The following PMVK variants were observed in gnomAD, a reference collection of about 807,000 sequenced individuals.
The protein encoded by PMVK is phosphomevalonate kinase.
PMVK carries 10 observed loss-of-function variants against 19.0 expected under a neutral mutation model. The observed-to-expected ratio is 0.53, with a 90% CI of 0.32 to 0.89. The LOEUF (loss-of-function observed/expected upper bound fraction) is 0.89, where lower values mean the gene tolerates loss of function less well. Ranked by LOEUF, PMVK falls within the 40% of genes least tolerant of loss-of-function variation. PMVK has a pLI of 0.03. For missense variants in PMVK, 222 were observed against 251.1 expected, an observed-to-expected ratio of 0.88 and a Z score of 0.78; for synonymous variants, 108 against 101.6, an observed-to-expected ratio of 1.06 and a Z score of -0.38.
upstream of PMVK, among the ~76,000 whole-genome samples, chr1:154,940,383 C>T (rs1654616790): frequency 1.3e-5 from 2 of 152,210 alleles, no homozygotes; most frequent in African/African-American, 4.8e-5. Context: ...AGAACTCCTG[C>T]AAAGGGGCCC....
upstream of PMVK, chr1:154,936,914 C>T: frequency 1.8e-6 from 1 of 542,450 alleles, no homozygotes; most frequent in Non-Finnish European, 3.4e-6. Context: ...AAGGCGGTTC[C>T]TTCACAGAGC....
chr1:154,927,448 C>CA (rs59872946), intron 3 of PMVK, among the ~76,000 whole-genome samples: 543 of 35,418 alleles, frequency 0.015, 32 homozygotes, highest in East Asian at 0.046. Flanking sequence ...GACTCTGTCT[C>CA]AAAAAAAAAA....
At chr1:154,925,586 T>TTGTGTCCTTTTCTATCCCTAAATCTGTC (rs1654127372) in intron 4 of PMVK, among the ~76,000 whole-genome samples, 1 of 152,242 alleles carries the variant, frequency 6.6e-6, no homozygotes, top group Non-Finnish European at 1.5e-5. Context: ...GTCAAGCTGG[T>TTGTGTCCTTTTCTATCCCTAAATCTGTC]TGTGTCCTTT....
At chr1:154,932,271 G>A (rs1481560611) in intron 2 of PMVK, 81 bp downstream of exon 2, 6 of 1,005,542 alleles carry the variant, frequency 6.0e-6, no homozygotes, top group Non-Finnish European at 9.4e-6. Context: ...AATCATGCCA[G>A]TGACTCAGGC....
upstream of PMVK, among the ~76,000 whole-genome samples, chr1:154,941,511 AG>A (rs901756610): frequency 7.2e-5 from 11 of 152,184 alleles, no homozygotes; most frequent in African/African-American, 2.7e-4. Context: ...TGAAGGGGCC[AG>A]GAACATCTGT....
intron 2 of PMVK, among the ~76,000 whole-genome samples, chr1:154,932,015 C>T (rs1485946358): frequency 1.3e-5 from 2 of 152,006 alleles, no homozygotes; most frequent in African/African-American, 4.8e-5. Flanking sequence ...GAGCAAAGTT[C>T]TAGGGGCTGT....
the PMVK span, among the ~76,000 whole-genome samples, chr1:154,941,830 G>A: frequency 2.0e-5 from 3 of 152,182 alleles, no homozygotes; most frequent in Non-Finnish European, 2.9e-5. Context: ...ACCTGGGGAG[G>A]CAGCAGGAGA....
In PMVK at chr1:154,924,782, G is replaced by A. The variant is rs1654086851; in HGVS notation, c.*347C>T. 1 of 268,890 alleles carries A rather than the reference G, an allele frequency of 3.7e-6. No individual in the cohort carries two copies. Among genetic ancestry groups the A allele is most frequent in the Admixed American group, 4.6e-5 (1 of 21,630 alleles). 16.7% of individuals were successfully genotyped at this position (268,890 alleles called of 1,614,324 possible). On this transcript the variant is annotated 3_prime_UTR_variant, in exon 5 of 5. Transcript: ENST00000368467. Reference sequence around the variant, plus strand: ...ATTAGTATCCACACTGGGGAGCTCTGGGTTCTTGCCCAGAACAAGGGGCTG... The same window carrying A: ...ATTAGTATCCACACTGGGGAGCTCTAGGTTCTTGCCCAGAACAAGGGGCTG...
chr1:154,927,216 C>T (rs762422185), intron 3 of PMVK, among the ~76,000 whole-genome samples: 7 of 151,786 alleles, frequency 4.6e-5, no homozygotes, highest in African/African-American at 1.2e-4. Flanking sequence ...TTTGGGAGGC[C>T]GAGGTGGGTG....
At chr1:154,938,454 T>C (rs58629129), upstream of PMVK, among the ~76,000 whole-genome samples, 49,888 of 152,130 alleles carry the variant, frequency 0.33, 10,996 homozygotes, top group East Asian at 0.88. Context: ...GCTGGATAGC[T>C]GGACGTGGTG....
upstream of PMVK, among the ~76,000 whole-genome samples, chr1:154,940,845 C>G (rs1237177897): frequency 2.6e-5 from 4 of 152,210 alleles, no homozygotes; most frequent in Non-Finnish European, 5.9e-5. Context: ...GAACCAACAC[C>G]CTTTCCTCCC....
At chr1:154,932,591 C>T (rs1013404401) in intron 1 of PMVK, among the ~76,000 whole-genome samples, 176 bp from the exon 2 acceptor site, 1 of 152,194 alleles carries the variant, frequency 6.6e-6, no homozygotes, top group Non-Finnish European at 1.5e-5. Context: ...GGGGATAACA[C>T]TTTCTGTTCT....
rs1654507806 is a variant in PMVK, at chr1:154,936,501, T to G, written c.95+90A>C. 5 of 1,527,720 alleles carry G rather than the reference T, an allele frequency of 3.3e-6. No individual in the cohort carries two copies. The South Asian group carries it at 4.9e-5, about 15-fold the overall frequency. 94.6% of individuals were successfully genotyped at this position (1,527,720 alleles called of 1,614,324 possible). On this transcript the variant is annotated intron_variant, in intron 1 of 4. Transcript: ENST00000368467. ...TGCCTTGCAAACGGACGACCCGTAC[T>G]CCAAAGCTCACTCCGTGACACCCAA...
the PMVK span, among the ~76,000 whole-genome samples, chr1:154,941,963 GAT>G: frequency 6.6e-6 from 1 of 152,144 alleles, no homozygotes; most frequent in Non-Finnish European, 1.5e-5. Flanking sequence ...AAGAATGAGA[GAT>G]AAGGACGGGA....
intron 3 of PMVK, 70 bp from the exon 4 acceptor site, chr1:154,926,553 C>G (rs750600101): frequency 1.4e-6 from 2 of 1,472,502 alleles, no homozygotes; most frequent in Admixed American, 1.7e-5. Context: ...GGGAGGACTA[C>G]AGAACCCAGG....
chr1:154,934,298 G>A (rs953639833), intron 1 of PMVK, among the ~76,000 whole-genome samples: 27 of 152,070 alleles, frequency 1.8e-4, no homozygotes, highest in African/African-American at 5.1e-4. Flanking sequence ...TGCGCCCAAC[G>A]ATAAGTGTTC....
chr1:154,927,011 T>G (rs1654184552), intron 3 of PMVK, among the ~76,000 whole-genome samples: 1 of 152,092 alleles, frequency 6.6e-6, no homozygotes, highest in Admixed American at 6.6e-5. Flanking sequence ...CAGAACAAAA[T>G]CCTTGGTATA....
At chr1:154,940,349 G>A (rs368980178), upstream of PMVK, among the ~76,000 whole-genome samples, 4 of 152,206 alleles carry the variant, frequency 2.6e-5, no homozygotes, top group Middle Eastern at 3.2e-3. Context: ...GGGGCTGAGC[G>A]AAGGTAAGTG....
chr1:154,939,316 C>T (rs1217296408), upstream of PMVK, among the ~76,000 whole-genome samples: 2 of 152,152 alleles, frequency 1.3e-5, no homozygotes, highest in Non-Finnish European at 2.9e-5. Context: ...TAGCACTTCC[C>T]TCCCAAGTCC....
Sources: gnomAD v4.1 joint callset for allele counts (sites outside exome capture counted in the v4.1 genomes callset) on GRCh38, gnomAD v4.1.1 for gene constraint, MANE v1.5 for transcripts, NCBI Gene and HGNC (gene_info 2026-07-23, HGNC 2026-07-21) for gene names.